The following SPTA1 variants were observed in gnomAD, a reference collection of about 807,000 sequenced individuals.
SPTA1 encodes spectrin alpha, erythrocytic 1, also known as spectrin alpha chain, erythrocytic 1.
A neutral mutation model predicts 324.7 loss-of-function variants in SPTA1; 177 were observed. The ratio of observed to expected loss-of-function variants is 0.55; its 90% confidence interval spans 0.48 to 0.62. SPTA1 has a LOEUF of 0.62. Ranked by LOEUF, SPTA1 falls within the 20% of genes least tolerant of loss-of-function variation. The pLI is 0.00. For missense variants in SPTA1, 3,162 were observed against 2,883.6 expected (o/e 1.10, Z -2.21); for synonymous variants, 1,195 against 1,041.3 (o/e 1.15, Z -2.84).
At chr1:158,670,884 GA>G (rs201170630) in intron 12 of SPTA1, among the ~76,000 whole-genome samples, 4 of 149,322 alleles carry the variant, frequency 2.7e-5, no homozygotes, top group East Asian at 1.9e-4. Flanking sequence ...AGGAAGAAAT[GA>G]AAAAAAATAA....
intron 7 of SPTA1, 116 bp downstream of exon 7, chr1:158,677,574 T>A (rs1050013123): frequency 7.8e-7 from 1 of 1,285,190 alleles, no homozygotes; most frequent in Non-Finnish European, 1.1e-6. Context: ...CACAATTTCT[T>A]CTTCATTGAA....
At chr1:158,641,141 C>T (rs1651533562) in intron 33 of SPTA1, among the ~76,000 whole-genome samples, 1 of 152,114 alleles carries the variant, frequency 6.6e-6, no homozygotes, top group African/African-American at 2.4e-5. Context: ...TTCCTTAAAC[C>T]TTATACAAAA....
Position 158,642,825 on chromosome 1 carries a change from T to G in SPTA1, c.4594A>C (p.Thr1532Pro). ...TATTTTGAACTTGCCTGAATGTTAG[T>G]GGCGTCTTTGTAGGATTCATCACAG... ...TACDESYKDA[T>P]NIQRKYLKHQ... The change falls in exon 32 of 52, where the codon ACT (threonine) becomes CCT (proline). Residue 1532 changes from threonine to proline, a missense_variant. Coordinates refer to ENST00000643759, the MANE Select transcript of SPTA1 (RefSeq NM_003126.4). The G allele has an allele frequency of 1.9e-6, 3 of 1,613,930 alleles. No homozygotes were observed. The highest frequency in any genetic ancestry group is 2.5e-6 in the Non-Finnish European group (3 of 1,179,884).
intron 2 of SPTA1, among the ~76,000 whole-genome samples, chr1:158,683,747 A>G (rs533305485): frequency 2.6e-5 from 4 of 152,196 alleles, no homozygotes; most frequent in Non-Finnish European, 5.9e-5. Context: ...AAAAGAGTGT[A>G]ACACACAGTG....
At position 158,656,655 on chromosome 1, in the gene SPTA1, G is replaced by T; in HGVS notation, c.2807C>A (p.Ala936Asp). ...NYGADEEAAG[A>D]LLKKHEAFLL... ...AAAGGCCTCATGCTTCTTTAGAAGA[G>T]CCTGCATTTATTGATGGAAGATCAT... The change falls in exon 20 of 52, where the codon GCT becomes GAT. Residue 936 changes from alanine to aspartate, a missense_variant and splice_region_variant. By Grantham distance (126) the Ala-to-Asp change is moderately radical. Transcript: ENST00000643759. The T allele has an allele frequency of 2.5e-6, 4 of 1,612,316 alleles. No individual in the cohort carries two copies. In the Middle Eastern group the frequency reaches 6.6e-4, roughly 266 times the overall value.
At chr1:158,623,859 C>A (rs1277302126) in intron 42 of SPTA1, among the ~76,000 whole-genome samples, 1 of 152,182 alleles carries the variant, frequency 6.6e-6, no homozygotes, top group African/African-American at 2.4e-5. Flanking sequence ...GACTTTGGAA[C>A]CGGGTAACAG....
chr1:158,613,097 T>G, intron 50 of SPTA1, 136 bp from the exon 51 acceptor site: 1 of 927,736 alleles, frequency 1.1e-6, no homozygotes, highest in East Asian at 2.6e-5. Context: ...CTTTCTGGGA[T>G]GAGATGGGTT....
chr1:158,641,063 A>G (rs1483550981), intron 33 of SPTA1, among the ~76,000 whole-genome samples: 3 of 152,250 alleles, frequency 2.0e-5, no homozygotes, highest in African/African-American at 7.2e-5. Flanking sequence ...TGGGGAAAGG[A>G]TTCCCTATTT....
intron 14 of SPTA1, 101 bp from the exon 15 acceptor site, chr1:158,668,163 G>A (rs989162742): frequency 3.8e-5 from 49 of 1,282,172 alleles, no homozygotes; most frequent in Middle Eastern, 2.4e-4. Flanking sequence ...TCTAACGAAC[G>A]ATGCTAACAA....
chr1:158,656,616 T>C lies in SPTA1; in HGVS notation c.2846A>G (p.Asn949Ser), dbSNP rs576741169. 1.2e-6 allele frequency: 2 copies of C among 1,613,920 alleles called. No homozygotes were observed. The highest frequency in any genetic ancestry group is 2.2e-5 in the East Asian group (1 of 44,860). The change falls in exon 20 of 52, where the codon AAT (asparagine) becomes AGT (serine). Residue 949 changes from asparagine to serine, a missense_variant. Transcript: ENST00000643759. ...AGCTTTCATACTGTCTCCAAATGAATTGAGATCTAATAGAAAGGCCTCATG... is the reference window on the plus strand; with the variant it reads ...AGCTTTCATACTGTCTCCAAATGAACTGAGATCTAATAGAAAGGCCTCATG... ...KKHEAFLLDL[N>S]SFGDSMKALR...
At position 158,642,932 on chromosome 1, in the gene SPTA1, A is replaced by G. The variant is rs747470900; in HGVS notation, c.4487T>C (p.Leu1496Pro). 3 of 1,613,708 alleles carry G rather than the reference A, an allele frequency of 1.9e-6. No homozygotes were observed. Among genetic ancestry groups the G allele is most frequent in the South Asian group, 1.1e-5 (1 of 91,056 alleles). The change falls in exon 32 of 52, where the codon CTT becomes CCT. Residue 1496 changes from leucine to proline, a missense_variant. Leu to Pro is a moderately conservative substitution (Grantham distance 98, BLOSUM62 -3). Transcript: ENST00000643759. ...TTGTTTTAGGTTGGCATAGTCTCCA[A>G]GCTTTGTCCGCTCATCAATCAGTTG... ...KAQLIDERTK[L>P]GDYANLKQFY...
At chr1:158,614,520 A>G (rs1452965168) in intron 48 of SPTA1, 2 of 500,158 alleles carry the variant, frequency 4.0e-6, no homozygotes, top group Non-Finnish European at 7.1e-6. Flanking sequence ...ACATTTTCAT[A>G]TGGTTGAAGA....
At chr1:158,620,650 G>T in intron 43 of SPTA1, 184 bp from the exon 44 acceptor site, 2 of 648,392 alleles carry the variant, frequency 3.1e-6, no homozygotes, top group South Asian at 4.6e-5. Context: ...AGCGGTACGA[G>T]CCCTGGTTCT....
chr1:158,655,139 C>T lies in SPTA1; in HGVS notation c.2899-391G>A, dbSNP rs559309616. 5.3e-5 allele frequency among the ~76,000 whole-genome samples: 8 copies of T among 152,262 alleles called. No individual in the cohort carries two copies. The South Asian group carries it at 6.2e-4, about 12-fold the overall frequency. On this transcript the variant is annotated intron_variant, in intron 20 of 51. Transcript: ENST00000643759. ...GAAAGTGAAAAGACCCACTCTCTGTCGTCACCTTTCCCTGTACCTCCAGTG... is the reference window on the plus strand; with the variant it reads ...GAAAGTGAAAAGACCCACTCTCTGTTGTCACCTTTCCCTGTACCTCCAGTG...
intron 4 of SPTA1, 77 bp downstream of exon 4, chr1:158,681,450 T>A: frequency 6.2e-7 from 1 of 1,605,412 alleles, no homozygotes; most frequent in Admixed American, 1.7e-5. Flanking sequence ...TTGTGAGTAG[T>A]CTGCAGTAAT....
At chr1:158,614,552 A>T (rs544805200) in intron 48 of SPTA1, 112 of 430,878 alleles carry the variant, frequency 2.6e-4, no homozygotes, top group Non-Finnish European at 4.1e-4. Flanking sequence ...AAATTTTTTG[A>T]AACATGAAAA....
At chr1:158,614,883 A>T in intron 48 of SPTA1, 1 of 279,282 alleles carries the variant, frequency 3.6e-6, no homozygotes, top group African/African-American at 2.2e-5. Flanking sequence ...TTTAATCTAG[A>T]CATTACATTT....
Position 158,619,260 on chromosome 1 carries a change from C to G in SPTA1, c.6492G>C (p.Gln2164His). ...KNFEMCQEFE[Q>H]NASTFLQWIL... Reference sequence around the variant, plus strand: ...TCCATTGAAGGAAGGTACTGGCATTCTGTTCAAACTCCTGACACATCTCAA... The same window carrying G: ...TCCATTGAAGGAAGGTACTGGCATTGTGTTCAAACTCCTGACACATCTCAA... Residue 2164 changes from glutamine to histidine, a missense_variant, in exon 45 of 52, where the codon CAG (glutamine) becomes CAC (histidine). Coordinates refer to ENST00000643759, the MANE Select transcript of SPTA1 (RefSeq NM_003126.4). 5 of 1,614,160 alleles carry G rather than the reference C, an allele frequency of 3.1e-6. No homozygotes were observed. In the South Asian group the frequency reaches 4.4e-5, roughly 14 times the overall value.
rs1649831121 is a variant in SPTA1, at chr1:158,620,403, T to C, written c.6184A>G (p.Met2062Val). The part of the protein sequence containing the change: ...ASALNNWCEK[M>V]EENLSEPVHC... ...ACAGGCTCTGACAAGTTTTCTTCCA[T>C]CTTTTCACACCAGTTGTTCAAAGCT... The change falls in exon 44 of 52, where the codon ATG becomes GTG. Residue 2062 changes from methionine (M) to valine (V), a missense_variant. Coordinates refer to ENST00000643759, the MANE Select transcript of SPTA1 (RefSeq NM_003126.4). 1.9e-6 allele frequency: 3 copies of C among 1,613,788 alleles called. No homozygotes were observed. In the Admixed American group the frequency reaches 5.0e-5, roughly 27 times the overall value.
Sources: allele counts gnomAD v4.1 joint callset (sites outside exome capture counted in the v4.1 genomes callset), GRCh38; gene constraint gnomAD v4.1.1; transcripts MANE v1.5; gene names NCBI Gene and HGNC (gene_info 2026-07-23, HGNC 2026-07-21).